The following UNC13C variants were observed in gnomAD, a reference collection of about 807,000 sequenced individuals.
The protein encoded by UNC13C is protein unc-13 homolog C.
UNC13C carries 174 observed loss-of-function variants against 245.4 expected under a neutral mutation model. The ratio of observed to expected loss-of-function variants is 0.71; its 90% CI spans 0.63 to 0.80. UNC13C has a LOEUF of 0.80. UNC13C is among the 30% of genes least tolerant of loss of function. The pLI, the probability that UNC13C is intolerant of heterozygous loss-of-function variation, is 0.00. For synonymous variants in UNC13C, 992 were observed against 895.1 expected (o/e 1.11, Z -1.93); for missense variants, 2,829 against 2,602.9 (o/e 1.09, Z -1.89).
chr15:54,146,577 C>T (rs1289304828), intron 4 of UNC13C, among the ~76,000 whole-genome samples: 4 of 152,046 alleles, frequency 2.6e-5, no homozygotes, highest in African/African-American at 9.7e-5. Context: ...TGGGGAAAAA[C>T]TGGAAGAGGG....
At chr15:54,401,106 T>C (rs938847305) in intron 18 of UNC13C, among the ~76,000 whole-genome samples, 1 of 152,200 alleles carries the variant, frequency 6.6e-6, no homozygotes, top group African/African-American at 2.4e-5. Context: ...GTTACCCATA[T>C]GTGTAATAAA....
chr15:53,922,988 A>G, the UNC13C span, among the ~76,000 whole-genome samples: 1 of 152,172 alleles, frequency 6.6e-6, no homozygotes, highest in Non-Finnish European at 1.5e-5. Flanking sequence ...CACTCTATAC[A>G]TTGTTCTAGA....
intron 17 of UNC13C, 32 bp downstream of exon 17, chr15:54,338,521 C>A: frequency 1.2e-6 from 2 of 1,605,078 alleles, no homozygotes; most frequent in South Asian, 1.1e-5. Context: ...TTATAATCGC[C>A]ACTTTTGTTT....
the UNC13C span, chr15:53,911,008 G>A: frequency 6.6e-6 from 1 of 152,284 alleles, no homozygotes; most frequent in Non-Finnish European, 1.5e-5. Context: ...CTGCTTGGAT[G>A]AGCCCCAGTG....
intron 17 of UNC13C, among the ~76,000 whole-genome samples, chr15:54,388,052 G>T (rs570785721): frequency 6.6e-6 from 1 of 152,138 alleles, no homozygotes; most frequent in South Asian, 2.1e-4. Flanking sequence ...CATTTCTAGA[G>T]CCCTTCACCT....
intron 10 of UNC13C, among the ~76,000 whole-genome samples, chr15:54,272,028 A>G: frequency 6.6e-6 from 1 of 152,208 alleles, no homozygotes; most frequent in East Asian, 1.9e-4. Flanking sequence ...ACAAGATTAT[A>G]AACCTGAATA....
At chr15:54,459,798 TC>T (rs1159161549) in intron 19 of UNC13C, among the ~76,000 whole-genome samples, 4 of 152,082 alleles carry the variant, frequency 2.6e-5, no homozygotes, top group Non-Finnish European at 5.9e-5. Context: ...GCATCCATAT[TC>T]TTTTTTTTTT....
intron 8 of UNC13C, among the ~76,000 whole-genome samples, chr15:54,261,888 A>G (rs1294935156): frequency 6.6e-6 from 1 of 152,190 alleles, no homozygotes; most frequent in African/African-American, 2.4e-5. Flanking sequence ...TCTAGAAATA[A>G]CAGAGAAAAT....
chr15:54,150,919 T>C (rs145223635), intron 4 of UNC13C, among the ~76,000 whole-genome samples: 202 of 152,328 alleles, frequency 1.3e-3, no homozygotes, highest in African/African-American at 4.6e-3. Flanking sequence ...TATTCCTAAA[T>C]TTATGGTGGC....
At chr15:53,951,747 C>A in the UNC13C span, among the ~76,000 whole-genome samples, 4 of 152,138 alleles carry the variant, frequency 2.6e-5, no homozygotes, top group Non-Finnish European at 5.9e-5. Flanking sequence ...GAAAAAATTA[C>A]TTATAATACA....
the UNC13C span, among the ~76,000 whole-genome samples, chr15:53,860,099 A>ACC: frequency 6.6e-6 from 1 of 152,166 alleles, no homozygotes; most frequent in Non-Finnish European, 1.5e-5. Flanking sequence ...GATATTGATG[A>ACC]CCCCTTGTTG....
At chr15:54,106,410 T>TA (rs1249760454) in intron 2 of UNC13C, among the ~76,000 whole-genome samples, 2 of 152,312 alleles carry the variant, frequency 1.3e-5, no homozygotes, top group East Asian at 1.9e-4. Context: ...CTCTTGTTCT[T>TA]AAAAAACACA....
chr15:54,378,280 T>C (rs1167838715), intron 17 of UNC13C, among the ~76,000 whole-genome samples: 3 of 152,134 alleles, frequency 2.0e-5, no homozygotes, highest in Admixed American at 2.0e-4. Flanking sequence ...CCAGAGTTTG[T>C]TATCTTTGTT....
In UNC13C at chr15:54,398,607, TA is replaced by T. The variant is rs1440584417; in HGVS notation, c.4847+5431del. ...GTTTTATTGTAGGAGGTTTTTAAAC[TA>T]AAAATGTTATTTCTTCATTAGATAT... On this transcript the variant is annotated intron_variant, in intron 18 of 32. Coordinates refer to ENST00000260323, the MANE Select transcript of UNC13C (RefSeq NM_001080534.3). 6.6e-5 allele frequency among the ~76,000 whole-genome samples: 10 copies of T among 151,520 alleles called. 1 individual carries two copies. The highest frequency in any genetic ancestry group is 6.6e-4 in the Admixed American group (10 of 15,188).
At chr15:53,880,210 G>A in the UNC13C span, among the ~76,000 whole-genome samples, 26 of 152,194 alleles carry the variant, frequency 1.7e-4, no homozygotes, top group South Asian at 3.9e-3. Context: ...TTTTGCTACA[G>A]TTGCAAATGG....
chr15:54,600,231 G>A (rs879117977), intron 30 of UNC13C, among the ~76,000 whole-genome samples: 3 of 152,076 alleles, frequency 2.0e-5, no homozygotes, highest in Non-Finnish European at 4.4e-5. Flanking sequence ...CCTGGACTGT[G>A]CCTTGATCTT....
At chr15:54,436,872 G>GA (rs1425410108) in intron 19 of UNC13C, among the ~76,000 whole-genome samples, 7 of 151,678 alleles carry the variant, frequency 4.6e-5, no homozygotes, top group Admixed American at 2.6e-4. Flanking sequence ...AAAAGGAATA[G>GA]AAAAAATGCA....
intron 2 of UNC13C, among the ~76,000 whole-genome samples, chr15:54,098,268 G>A (rs184414174): frequency 9.9e-5 from 15 of 152,248 alleles, no homozygotes; most frequent in Middle Eastern, 6.8e-3. Flanking sequence ...TCTGCCTGCT[G>A]GGTTCAAGCA....
chr15:53,855,288 C>T, the UNC13C span, among the ~76,000 whole-genome samples: 1 of 152,182 alleles, frequency 6.6e-6, no homozygotes, highest in African/African-American at 2.4e-5. Flanking sequence ...TGCTTTATTT[C>T]TTTCTCTTGC....
Sources: allele counts gnomAD v4.1 joint callset (sites outside exome capture counted in the v4.1 genomes callset), GRCh38; gene constraint gnomAD v4.1.1; transcripts MANE v1.5; gene names NCBI Gene and HGNC (gene_info 2026-07-23, HGNC 2026-07-21).